Variants in CPQ observed in about 807,000 individuals in gnomAD.
The protein encoded by CPQ is Ser-Met dipeptidase.
CPQ carries 37 observed loss-of-function variants against 45.7 expected under a neutral mutation model. The ratio of observed to expected loss-of-function variants is 0.81; its 90% confidence interval spans 0.62 to 1.07. The LOEUF (loss-of-function observed/expected upper bound fraction) is 1.07. Ranked by LOEUF, CPQ falls within the 50% of genes least tolerant of loss-of-function variation. The pLI, the probability that CPQ is intolerant of heterozygous loss-of-function variation, is 0.00. For synonymous variants in CPQ, 186 were observed against 205.8 expected (o/e 0.90, Z 0.82); for missense variants, 537 against 572.9 (o/e 0.94, Z 0.64).
At chr8:96,826,058 T>C (rs762122626) in intron 2 of CPQ, among the ~76,000 whole-genome samples, 9 of 152,072 alleles carry the variant, frequency 5.9e-5, no homozygotes, top group Admixed American at 1.3e-4. Flanking sequence ...CTTGTTTTAT[T>C]TAGAAATGAC....
At chr8:96,797,562 G>T (rs1328939821) in intron 2 of CPQ, among the ~76,000 whole-genome samples, 2 of 152,134 alleles carry the variant, frequency 1.3e-5, no homozygotes. Flanking sequence ...TATCTCCAAG[G>T]GCATTCTGAT....
At chr8:96,760,755 C>T (rs1242373999) in intron 1 of CPQ, among the ~76,000 whole-genome samples, 2 of 152,144 alleles carry the variant, frequency 1.3e-5, no homozygotes, top group East Asian at 1.9e-4. Context: ...GGAACTGGGA[C>T]TTAAAAACCA....
Position 96,878,484 on chromosome 8 carries a change from A to G in CPQ, c.642-1314A>G, listed in dbSNP as rs762027598. On this transcript the variant is annotated intron_variant, in intron 3 of 7. Transcript: ENST00000220763. The stretch of plus-strand genomic sequence containing the variant: ...ATGAAATGGTATTATTATCACTTCC[A>G]TTTGTAGAAGACACCCCTGAAACAA... Among the ~76,000 whole-genome samples the G allele has an allele frequency of 7.2e-4, 110 of 152,330 alleles. 1 individual carries two copies. The highest frequency in any genetic ancestry group is 6.8e-3 in the Middle Eastern group (2 of 294).
intron 2 of CPQ, among the ~76,000 whole-genome samples, chr8:96,803,026 C>T (rs1397587104): frequency 6.6e-6 from 1 of 151,378 alleles, no homozygotes; most frequent in African/African-American, 2.4e-5. Context: ...CACACATGGC[C>T]TCTTTGGAGG....
intron 7 of CPQ, among the ~76,000 whole-genome samples, chr8:97,068,685 C>T (rs1810683406): frequency 6.6e-6 from 1 of 152,162 alleles, no homozygotes; most frequent in African/African-American, 2.4e-5. Flanking sequence ...ATGTGTTGAA[C>T]TCCTAATGTG....
rs11996799 is a variant in CPQ at position 96,719,205 on chromosome 8, G to A, written c.-34-65659G>A. Among the ~76,000 whole-genome samples, 342 of 152,352 alleles carry A rather than the reference G, an allele frequency of 2.2e-3. 1 individual carries two copies. The highest frequency in any genetic ancestry group is 7.8e-3 in the African/African-American group (323 of 41,598). ...AGGGGGTGGGAGGCTCAGGCATGGC[G>A]GGCTGCAGGTCCCGAGCCCTGCCCC... On this transcript the variant is annotated intron_variant, in intron 1 of 7. Coordinates refer to ENST00000220763, the MANE Select transcript of CPQ (RefSeq NM_016134.4).
chr8:97,111,901 C>A (rs568096415), intron 7 of CPQ, among the ~76,000 whole-genome samples: 45 of 152,314 alleles, frequency 3.0e-4, no homozygotes, highest in African/African-American at 1.1e-3. Flanking sequence ...TTCATATGCT[C>A]TGGGATATCT....
chr8:96,932,908 G>A (rs1812992907), intron 4 of CPQ, among the ~76,000 whole-genome samples: 1 of 152,194 alleles, frequency 6.6e-6, no homozygotes, highest in South Asian at 2.1e-4. Flanking sequence ...GTTTAATGCT[G>A]TGATTCCAAT....
At chr8:96,951,594 T>C (rs1459077905) in intron 4 of CPQ, among the ~76,000 whole-genome samples, 1 of 152,144 alleles carries the variant, frequency 6.6e-6, no homozygotes, top group African/African-American at 2.4e-5. Flanking sequence ...AAGCTATTAT[T>C]GAAATAAAAA....
At chr8:96,796,500 A>G (rs975075743) in intron 2 of CPQ, among the ~76,000 whole-genome samples, 2 of 152,066 alleles carry the variant, frequency 1.3e-5, no homozygotes, top group African/African-American at 4.8e-5. Context: ...TTTTTTCTTA[A>G]AAGCATATTT....
At chr8:96,861,078 T>A (rs10504967) in intron 3 of CPQ, among the ~76,000 whole-genome samples, 7,999 of 152,226 alleles carry the variant, frequency 0.053, 252 homozygotes, top group East Asian at 0.077. Flanking sequence ...AGTTGTTAAA[T>A]CTCTCTTATG....
rs148839963 is a variant in CPQ at position 96,791,586 on chromosome 8, C to T, written c.433+6256C>T. On this transcript the variant is annotated intron_variant, in intron 2 of 7. Transcript: ENST00000220763. ...CAAGACTCACTTTCACCCCACTCCTCGTTCCATGGGGCTCAAAGTAGATAA... is the reference window on the plus strand; with the variant it reads ...CAAGACTCACTTTCACCCCACTCCTTGTTCCATGGGGCTCAAAGTAGATAA... Among the ~76,000 whole-genome samples the T allele has an allele frequency of 2.3e-3, 349 of 152,282 alleles. 4 individuals are homozygous for T. Among genetic ancestry groups the T allele is most frequent in the African/African-American group, 8.2e-3 (341 of 41,566 alleles).
intron 3 of CPQ, among the ~76,000 whole-genome samples, chr8:96,864,447 A>C (rs778109453): frequency 1.3e-4 from 20 of 151,986 alleles, no homozygotes; most frequent in Non-Finnish European, 2.4e-4. Flanking sequence ...AGAGATGATG[A>C]TTTATGTGGA....
At chr8:97,086,851 A>G (rs1320380806) in intron 7 of CPQ, among the ~76,000 whole-genome samples, 1 of 152,202 alleles carries the variant, frequency 6.6e-6, no homozygotes, top group African/African-American at 2.4e-5. Context: ...ACCTAAATCA[A>G]GAATCCTTCA....
intron 2 of CPQ, among the ~76,000 whole-genome samples, chr8:96,791,460 A>T (rs1456030614): frequency 6.6e-6 from 1 of 152,030 alleles, no homozygotes; most frequent in Non-Finnish European, 1.5e-5. Context: ...TTTCCTGGCT[A>T]CCTGCCTGGT....
At chr8:97,035,824 T>C (rs561050230) in intron 6 of CPQ, among the ~76,000 whole-genome samples, 27 of 151,950 alleles carry the variant, frequency 1.8e-4, no homozygotes, top group Non-Finnish European at 2.4e-4. Flanking sequence ...TCTCCTGCCT[T>C]AGCCTCCTGA....
intron 1 of CPQ, among the ~76,000 whole-genome samples, chr8:96,734,497 G>A (rs1369455285): frequency 6.6e-6 from 1 of 152,062 alleles, no homozygotes; most frequent in African/African-American, 2.4e-5. Flanking sequence ...GGATCACAAG[G>A]TCAGGAGATC....
intron 1 of CPQ, among the ~76,000 whole-genome samples, chr8:96,734,049 T>G (rs1331650103): frequency 2.6e-5 from 4 of 152,230 alleles, no homozygotes; most frequent in African/African-American, 7.2e-5. Context: ...CAGAACATGG[T>G]AGACCTCTAA....
At chr8:97,057,470 T>C (rs929672591) in intron 6 of CPQ, among the ~76,000 whole-genome samples, 1 of 152,180 alleles carries the variant, frequency 6.6e-6, no homozygotes, top group South Asian at 2.1e-4. Context: ...GAGATGGTGG[T>C]GCACTTTCTC....
Sources: gnomAD v4.1 joint callset for allele counts (sites outside exome capture counted in the v4.1 genomes callset) on GRCh38, gnomAD v4.1.1 for gene constraint, MANE v1.5 for transcripts, NCBI Gene and HGNC (gene_info 2026-07-23, HGNC 2026-07-21) for gene names.